The following SDK1 variants were observed in gnomAD, a reference collection of about 807,000 sequenced individuals.
The protein encoded by SDK1 is protein sidekick-1.
SDK1 carries 157 observed loss-of-function variants against 245.5 expected under a neutral mutation model. The ratio of observed to expected loss-of-function variants is 0.64; its 90% CI spans 0.56 to 0.73. The LOEUF is 0.73. Ranked by LOEUF, SDK1 falls within the 30% of genes least tolerant of loss-of-function variation. The pLI, the probability that SDK1 is intolerant of heterozygous loss-of-function variation, is 0.00. For missense variants in SDK1, 3,583 were observed against 3,002.3 expected (o/e 1.19, Z -4.52); for synonymous variants, 1,647 against 1,278.5 (o/e 1.29, Z -6.15).
intron 42 of SDK1, among the ~76,000 whole-genome samples, chr7:4,241,065 A>G (rs946262411): frequency 1.3e-5 from 2 of 152,062 alleles, no homozygotes; most frequent in African/African-American, 4.8e-5. Context: ...ATTTTTATTC[A>G]TTTGATCTGT....
At chr7:3,527,021 A>G (rs995277465) in intron 1 of SDK1, among the ~76,000 whole-genome samples, 2 of 152,190 alleles carry the variant, frequency 1.3e-5, no homozygotes, top group Non-Finnish European at 2.9e-5. Context: ...AAGTTCTATT[A>G]TTAATGATGC....
chr7:3,835,702 G>T (rs1025573137), intron 5 of SDK1, among the ~76,000 whole-genome samples: 3 of 152,170 alleles, frequency 2.0e-5, no homozygotes, highest in African/African-American at 7.2e-5. Flanking sequence ...TGTATTTACT[G>T]AGTGTTCACT....
At chr7:3,926,451 G>A (rs937947115) in intron 5 of SDK1, among the ~76,000 whole-genome samples, 5 of 152,162 alleles carry the variant, frequency 3.3e-5, no homozygotes, top group Non-Finnish European at 5.9e-5. Context: ...AGAGTGAAAC[G>A]TCATGAAATT....
chr7:3,582,063 G>C lies in SDK1; in HGVS notation c.299-37017G>C, dbSNP rs111937293. ...AGGTAGGTCTCCCTCAGGTAGGCCTGTCTCAGGTAGGTCTCCCTCAGGTAG... is the reference window on the plus strand; with the variant it reads ...AGGTAGGTCTCCCTCAGGTAGGCCTCTCTCAGGTAGGTCTCCCTCAGGTAG... On this transcript the variant is annotated intron_variant, in intron 1 of 44. Coordinates refer to ENST00000404826, the MANE Select transcript of SDK1 (RefSeq NM_152744.4). 5.7e-4 allele frequency among the ~76,000 whole-genome samples: 33 copies of C among 58,070 alleles called. No homozygotes were observed. The East Asian group carries it at 0.011, about 19-fold the overall frequency. The allele number at this position is 58,070 out of a possible 152,430, so 38.1% of individuals were successfully genotyped here.
chr7:4,262,571 G>A (rs1285037597), intron 44 of SDK1, among the ~76,000 whole-genome samples: 1 of 151,768 alleles, frequency 6.6e-6, no homozygotes, highest in East Asian at 2.0e-4. Context: ...TGGCCGGGGA[G>A]ACATATTAGA....
chr7:3,954,102 A>G (rs904065063), intron 7 of SDK1, among the ~76,000 whole-genome samples: 69 of 23,228 alleles, frequency 3.0e-3, no homozygotes, highest in Non-Finnish European at 4.4e-3. Flanking sequence ...AGGACAGGCT[A>G]GTTGGGCTGT....
At chr7:3,647,683 G>C (rs1385340768) in intron 4 of SDK1, among the ~76,000 whole-genome samples, 2 of 152,074 alleles carry the variant, frequency 1.3e-5, no homozygotes, top group Non-Finnish European at 2.9e-5. Context: ...ACCCGCCTCT[G>C]CCTCCCAAAG....
intron 22 of SDK1, among the ~76,000 whole-genome samples, chr7:4,080,028 T>A (rs1780953983): frequency 6.6e-6 from 1 of 152,210 alleles, no homozygotes; most frequent in Non-Finnish European, 1.5e-5. Flanking sequence ...ACGGGGGCTA[T>A]TGCAGTAGAC....
intron 4 of SDK1, among the ~76,000 whole-genome samples, chr7:3,654,516 G>T (rs1477885354): frequency 2.0e-5 from 3 of 152,180 alleles, no homozygotes; most frequent in Non-Finnish European, 4.4e-5. Flanking sequence ...AATAGGTCAG[G>T]ATATGGGCTG....
In SDK1 at chr7:4,011,113, G is replaced by A. The variant is rs751381308; in HGVS notation, c.2279G>A (p.Arg760Lys). 1 of 1,613,506 alleles carries A rather than the reference G, an allele frequency of 6.2e-7. No homozygotes were observed. The highest frequency in any genetic ancestry group is 8.5e-7 in the Non-Finnish European group (1 of 1,179,952). Reference sequence around the variant, plus strand: ...GGCCAGTACAGCGCCGAGACAAGCAGGTGCGTGAATCCCGCCCCAGGTGGG... The same window carrying A: ...GGCCAGTACAGCGCCGAGACAAGCAAGTGCGTGAATCCCGCCCCAGGTGGG... ...GRGQYSAETS[R>K]LMLPEEPPSA... The change falls in exon 15 of 45, where the codon AGG becomes AAG. Residue 760 changes from arginine (R) to lysine (K), a missense_variant and splice_region_variant. Transcript: ENST00000404826.
intron 30 of SDK1, among the ~76,000 whole-genome samples, chr7:4,151,277 G>A (rs1780363063): frequency 6.6e-6 from 1 of 152,082 alleles, no homozygotes; most frequent in South Asian, 2.1e-4. Flanking sequence ...TGTGGCCCCA[G>A]AGGACCCACC....
At chr7:4,172,814 C>T (rs1349788309) in intron 32 of SDK1, among the ~76,000 whole-genome samples, 1 of 152,150 alleles carries the variant, frequency 6.6e-6, no homozygotes, top group Non-Finnish European at 1.5e-5. Context: ...AGTCTCTGTC[C>T]CTGTCTTCAT....
chr7:3,795,966 A>G (rs1013942476), intron 4 of SDK1, among the ~76,000 whole-genome samples: 10 of 152,176 alleles, frequency 6.6e-5, no homozygotes, highest in Admixed American at 6.5e-4. Flanking sequence ...ACATCATGAG[A>G]GTGCTAAGAA....
At chr7:3,321,835 TTC>T (rs560246031) in intron 1 of SDK1, among the ~76,000 whole-genome samples, 29 of 121,674 alleles carry the variant, frequency 2.4e-4, no homozygotes, top group Non-Finnish European at 3.0e-4. Context: ...CTTCCTCCTT[TTC>T]TCTCTCTCTC....
intron 1 of SDK1, among the ~76,000 whole-genome samples, chr7:3,458,704 T>C (rs773682517): frequency 1.3e-5 from 2 of 152,162 alleles, no homozygotes; most frequent in African/African-American, 2.4e-5. Flanking sequence ...TGCAGCATCA[T>C]TATAATTAAC....
intron 1 of SDK1, among the ~76,000 whole-genome samples, chr7:3,323,479 A>G (rs1779868020): frequency 6.6e-6 from 1 of 152,194 alleles, no homozygotes; most frequent in Admixed American, 6.5e-5. Flanking sequence ...TACACTTCCA[A>G]ACTCATTCAC....
At chr7:4,051,032 GTA>G (rs1302066198) in intron 18 of SDK1, among the ~76,000 whole-genome samples, 2 of 139,416 alleles carry the variant, frequency 1.4e-5, no homozygotes, top group African/African-American at 2.7e-5. Flanking sequence ...TATATGTTAT[GTA>G]TGTTATATAT....
At chr7:4,116,229 G>C (rs533172409) in intron 25 of SDK1, among the ~76,000 whole-genome samples, 2 of 152,310 alleles carry the variant, frequency 1.3e-5, no homozygotes, top group East Asian at 1.9e-4. Context: ...TTGGAGCCCT[G>C]GGCGGTGCCA....
intron 1 of SDK1, among the ~76,000 whole-genome samples, chr7:3,367,825 C>G (rs1257047050): frequency 2.6e-5 from 4 of 152,128 alleles, no homozygotes; most frequent in Non-Finnish European, 5.9e-5. Flanking sequence ...ATGATTAGGT[C>G]TTATTTATGT....
Sources: gnomAD v4.1 joint callset for allele counts (sites outside exome capture counted in the v4.1 genomes callset) on GRCh38, gnomAD v4.1.1 for gene constraint, MANE v1.5 for transcripts, NCBI Gene and HGNC (gene_info 2026-07-23, HGNC 2026-07-21) for gene names.